PDE1C: variants seen among roughly 807,000 people sequenced by gnomAD.
PDE1C encodes the protein phosphodiesterase 1C.
PDE1C carries 62 observed loss-of-function variants against 93.1 expected under a neutral mutation model. That is an observed-to-expected ratio of 0.67 (90% CI 0.54 to 0.82). PDE1C has a LOEUF of 0.82. Ranked by LOEUF, PDE1C falls within the 40% of genes least tolerant of loss-of-function variation. The pLI is 0.00. For missense variants in PDE1C, 742 were observed against 884.6 expected (o/e 0.84, Z 2.04); for synonymous variants, 325 against 310.1 (o/e 1.05, Z -0.50).
intron 3 of PDE1C, among the ~76,000 whole-genome samples, chr7:32,154,461 A>G (rs1801448612): frequency 1.3e-5 from 2 of 152,180 alleles, no homozygotes; most frequent in Non-Finnish European, 2.9e-5. Context: ...ACTCTAGTAC[A>G]TTATCCAAAC....
chr7:32,329,462 T>A (rs1287073476), intron 1 of PDE1C, among the ~76,000 whole-genome samples: 1 of 152,176 alleles, frequency 6.6e-6, no homozygotes, highest in Non-Finnish European at 1.5e-5. Context: ...TTTAATCCAG[T>A]GCAGGTGACC....
At chr7:31,732,411 CTG>C in the PDE1C span, among the ~76,000 whole-genome samples, 1 of 152,034 alleles carries the variant, frequency 6.6e-6, no homozygotes, top group African/African-American at 2.4e-5. Flanking sequence ...TCTGTAGACT[CTG>C]AGTAAAGCAC....
intron 1 of PDE1C, among the ~76,000 whole-genome samples, chr7:32,330,200 T>C (rs550372830): frequency 6.6e-6 from 1 of 152,356 alleles, no homozygotes; most frequent in Admixed American, 6.5e-5. Flanking sequence ...TGACTCTAGA[T>C]GTAGGCATTG....
At chr7:32,383,243 A>T (rs1784566329) in intron 1 of PDE1C, among the ~76,000 whole-genome samples, 1 of 152,246 alleles carries the variant, frequency 6.6e-6, no homozygotes, top group South Asian at 2.1e-4. Context: ...GTTCTCAGCC[A>T]TAAGTAACAA....
intron 7 of PDE1C, among the ~76,000 whole-genome samples, chr7:31,864,398 C>G (rs147698088): frequency 6.6e-6 from 1 of 152,048 alleles, no homozygotes; most frequent in African/African-American, 2.4e-5. Flanking sequence ...ACATCTAAAG[C>G]GCTAAAATGT....
the PDE1C span, among the ~76,000 whole-genome samples, chr7:31,646,410 G>A: frequency 6.6e-5 from 10 of 152,148 alleles, no homozygotes; most frequent in African/African-American, 2.4e-4. Context: ...GCAGGTAGAA[G>A]GATTGCAGCT....
chr7:32,043,951 A>T lies in PDE1C; in HGVS notation c.128+7603T>A, dbSNP rs372384596. Among the ~76,000 whole-genome samples, 11 of 152,342 alleles carry T rather than the reference A, an allele frequency of 7.2e-5. No individual in the cohort carries two copies. The East Asian group carries it at 2.1e-3, about 29-fold the overall frequency. On this transcript the variant is annotated intron_variant, in intron 2 of 17. Transcript: ENST00000396191. Reference sequence around the variant, plus strand: ...AACTTATTTACCCAGAGTTCCACCTAGTAACTATGACGTTAGTTCTGACCC... The same window carrying T: ...AACTTATTTACCCAGAGTTCCACCTTGTAACTATGACGTTAGTTCTGACCC...
At chr7:31,783,115 C>A (rs1310845305) in intron 16 of PDE1C, among the ~76,000 whole-genome samples, 1 of 152,116 alleles carries the variant, frequency 6.6e-6, no homozygotes, top group East Asian at 1.9e-4. Context: ...GCCAAATATA[C>A]CCCTTTCAAG....
the PDE1C span, among the ~76,000 whole-genome samples, chr7:31,632,011 T>G: frequency 6.6e-6 from 1 of 152,176 alleles, no homozygotes; most frequent in African/African-American, 2.4e-5. Context: ...CTGTTAGGAA[T>G]GAAGGCTTCC....
the PDE1C span, among the ~76,000 whole-genome samples, chr7:31,695,019 T>C: frequency 3.3e-5 from 5 of 152,010 alleles, no homozygotes; most frequent in African/African-American, 1.2e-4. Context: ...AAGTGAGAAA[T>C]TCACTGAGGA....
the PDE1C span, among the ~76,000 whole-genome samples, chr7:31,729,846 C>A: frequency 6.6e-6 from 1 of 152,160 alleles, no homozygotes; most frequent in Non-Finnish European, 1.5e-5. Context: ...TTAAACTATT[C>A]TCAGGAGCCT....
intron 2 of PDE1C, among the ~76,000 whole-genome samples, chr7:31,990,864 T>C (rs1330962343): frequency 2.0e-5 from 3 of 152,206 alleles, no homozygotes; most frequent in African/African-American, 7.2e-5. Flanking sequence ...AAAAATTCAA[T>C]AGATCATTGT....
chr7:31,957,604 T>C (rs928935247), intron 2 of PDE1C, among the ~76,000 whole-genome samples: 2 of 152,212 alleles, frequency 1.3e-5, no homozygotes, highest in South Asian at 2.1e-4. Context: ...ATTCTTTCTT[T>C]TTTTTATATA....
intron 1 of PDE1C, among the ~76,000 whole-genome samples, chr7:32,356,666 C>A (rs1395326603): frequency 6.6e-6 from 1 of 152,208 alleles, no homozygotes; most frequent in Non-Finnish European, 1.5e-5. Context: ...CTCCTCACCC[C>A]TGCAAATTAG....
chr7:32,348,782 T>C (rs79765187), intron 1 of PDE1C, among the ~76,000 whole-genome samples: 2,089 of 152,250 alleles, frequency 0.014, 52 homozygotes, highest in African/African-American at 0.047. Flanking sequence ...CAGTGACTCA[T>C]TGAAGCTCCT....
At chr7:31,694,158 A>G in the PDE1C span, among the ~76,000 whole-genome samples, 1 of 152,200 alleles carries the variant, frequency 6.6e-6, no homozygotes, top group African/African-American at 2.4e-5. Context: ...CATCTTTTAA[A>G]TATGTTACTT....
intron 2 of PDE1C, among the ~76,000 whole-genome samples, chr7:31,966,045 A>C (rs970199462): frequency 5.9e-5 from 9 of 152,254 alleles, no homozygotes; most frequent in African/African-American, 2.2e-4. Flanking sequence ...AAGAAACTGC[A>C]TCAACTAACG....
rs142510642 is a variant in PDE1C at position 32,247,411 on chromosome 7, A to G, written c.86-37872T>C. 5.4e-3 allele frequency among the ~76,000 whole-genome samples: 695 copies of G among 129,292 alleles called. 55 individuals are homozygous for G. Among genetic ancestry groups the G allele is most frequent in the Middle Eastern group, 0.012 (3 of 254 alleles). The allele number at this position is 129,292 out of a possible 152,430, so 84.8% of individuals were successfully genotyped here. A position where few individuals can be genotyped will look rare whatever the true frequency, so the allele number is the denominator to read the frequency against. ...TACATGGCAAATTCTCTCAAGAATC[A>G]TTTGTTAAGGCAATGAATTAATTTT... is the stretch of plus-strand genomic sequence containing the variant. On this transcript the variant is annotated intron_variant, in intron 1 of 18. Coordinates refer to the PDE1C transcript ENST00000396193.
intron 7 of PDE1C, among the ~76,000 whole-genome samples, chr7:31,853,941 G>C (rs1003835424): frequency 6.7e-6 from 1 of 148,802 alleles, no homozygotes; most frequent in Admixed American, 6.7e-5. Flanking sequence ...CGCCCAGGCT[G>C]GTCTCTAACT....
Sources: gnomAD v4.1 joint callset for allele counts (sites outside exome capture counted in the v4.1 genomes callset) on GRCh38, gnomAD v4.1.1 for gene constraint, MANE v1.5 for transcripts, NCBI Gene and HGNC (gene_info 2026-07-23, HGNC 2026-07-21) for gene names.